Variants in ZNF626 observed in about 807,000 individuals in gnomAD.
ZNF626 encodes CTC-513N18.7.
A neutral mutation model predicts 11.7 loss-of-function variants in ZNF626; 4 were observed. The observed-to-expected ratio is 0.34, with a 90% CI of 0.17 to 0.78. The LOEUF is 0.78. ZNF626 is among the 30% of genes least tolerant of loss of function. The pLI is 0.57. For synonymous variants in ZNF626, 179 were observed against 198.6 expected, an observed-to-expected ratio of 0.90 and a Z score of 0.83; for missense variants, 588 against 587.1, an observed-to-expected ratio of 1.00 and a Z score of -0.01.
At chr19:20,652,728 A>T (rs1456706570) in intron 1 of ZNF626, among the ~76,000 whole-genome samples, 1 of 152,166 alleles carries the variant, frequency 6.6e-6, no homozygotes, top group Non-Finnish European at 1.5e-5. Flanking sequence ...TTTTCAGATA[A>T]AAGTTTTTTA....
At chr19:20,625,886 G>A (rs887277726) in intron 3 of ZNF626, among the ~76,000 whole-genome samples, 4 of 151,926 alleles carry the variant, frequency 2.6e-5, no homozygotes, top group Non-Finnish European at 2.9e-5. Flanking sequence ...CAATGCAAAC[G>A]GCCAAATAGA....
intron 3 of ZNF626, among the ~76,000 whole-genome samples, chr19:20,642,467 G>A (rs1223875858): frequency 2.0e-5 from 3 of 152,170 alleles, no homozygotes; most frequent in East Asian, 3.9e-4. Context: ...GGGTGGTGGC[G>A]TGCCTGTAGT....
intron 3 of ZNF626, among the ~76,000 whole-genome samples, chr19:20,636,729 T>C (rs1316483848): frequency 6.6e-6 from 1 of 152,134 alleles, no homozygotes; most frequent in Non-Finnish European, 1.5e-5. Context: ...CTACAAGATA[T>C]AATATACAGG....
In ZNF626 at chr19:20,624,019, G is replaced by A. The variant is rs1426052086; in HGVS notation, c.*271C>T. 9.4e-6 allele frequency: 6 copies of A among 640,410 alleles called. No individual in the cohort carries two copies. The highest frequency in any genetic ancestry group is 5.3e-5 in the Admixed American group (2 of 37,872). 39.7% of individuals were successfully genotyped at this position (640,410 alleles called of 1,614,324 possible). On this transcript the variant is annotated 3_prime_UTR_variant, in exon 4 of 4. Transcript: ENST00000601440. ...TTTTCCCCATTCATCACATTCACAT[G>A]GTTTCTCTCCAGTATGAATTATCTT...
chr19:20,656,238 T>C (rs62107366), intron 1 of ZNF626, among the ~76,000 whole-genome samples: 14,412 of 152,182 alleles, frequency 0.095, 975 homozygotes, highest in Non-Finnish European at 0.14. Flanking sequence ...TAGCACTATG[T>C]AGAAGACTGA....
intron 1 of ZNF626, among the ~76,000 whole-genome samples, chr19:20,658,026 T>C (rs1279064076): frequency 6.6e-6 from 1 of 151,364 alleles, no homozygotes; most frequent in Non-Finnish European, 1.5e-5. Context: ...GACAAAATAA[T>C]CTGCACTTCA....
In ZNF626 at chr19:20,625,235, AC is replaced by A. The variant is rs782696958; in HGVS notation, c.641del (p.Cys214LeufsTer64). The A allele has an allele frequency of 9.3e-6, 15 of 1,610,604 alleles. No homozygotes were observed. In the Admixed American group the frequency reaches 2.3e-4, roughly 25 times the overall value. ...GAATTTTCTTATGTCTAGTAAGGCT[AC>A]AAGAGTGGTTAAAGGCTTTGCCACA... ...EECGKAFNHS[C>X]SLTRHKKIHT... On this transcript the variant is annotated frameshift_variant, in exon 4 of 4. Coordinates refer to ENST00000601440, the MANE Select transcript of ZNF626 (RefSeq NM_001076675.3). LOFTEE classifies it low-confidence loss of function (END_TRUNC).
chr19:20,620,171 G>A lies in ZNF626; in HGVS notation c.*4119C>T, dbSNP rs1224363599. On this transcript the variant is annotated 3_prime_UTR_variant, in exon 4 of 4. Transcript: ENST00000601440. Reference sequence around the variant, plus strand: ...TGTTGTACTCAAGAGTGTTATTTCTGGAGACAAAGTTGCCTGTGCTTTAAT... The same window carrying A: ...TGTTGTACTCAAGAGTGTTATTTCTAGAGACAAAGTTGCCTGTGCTTTAAT... 1 of 152,032 alleles carries A rather than the reference G, an allele frequency of 6.6e-6. No individual in the cohort carries two copies. Among genetic ancestry groups the A allele is most frequent in the Non-Finnish European group, 1.5e-5 (1 of 68,004 alleles). 9.4% of individuals were successfully genotyped at this position (152,032 alleles called of 1,614,324 possible).
At chr19:20,657,241 T>TAA (rs1285655967) in intron 1 of ZNF626, among the ~76,000 whole-genome samples, 5 of 152,038 alleles carry the variant, frequency 3.3e-5, no homozygotes, top group Admixed American at 2.0e-4. Flanking sequence ...CCAGGCATGG[T>TAA]AATGCATACG....
chr19:20,623,989 A>C lies in ZNF626; in HGVS notation c.*301T>G. ...TTAGTTAGAAATTGAGGGCTGGTTA[A>C]AAGATTTTCCCCATTCATCACATTC... is the stretch of plus-strand genomic sequence containing the variant. On this transcript the variant is annotated 3_prime_UTR_variant, in exon 4 of 4. Transcript: ENST00000601440. 1.8e-6 allele frequency: 1 copy of C among 545,358 alleles called. No individual in the cohort carries two copies. The highest frequency in any genetic ancestry group is 2.0e-5 in the South Asian group (1 of 49,964). The allele number at this position is 545,358 out of a possible 1,614,324, so 33.8% of individuals were successfully genotyped here.
rs547265557 is a variant in ZNF626 at position 20,633,584 on chromosome 19, C to G, written c.227-7934G>C. 7.2e-5 allele frequency among the ~76,000 whole-genome samples: 11 copies of G among 152,344 alleles called. No homozygotes were observed. In the South Asian group the frequency reaches 2.3e-3, roughly 32 times the overall value. ...TGAGACTCCATTGGCGTAGGACCCT[C>G]TGAGCTGGGTGAGGGATATAATATC... On this transcript the variant is annotated intron_variant, in intron 3 of 3. Coordinates refer to ENST00000601440, the MANE Select transcript of ZNF626 (RefSeq NM_001076675.3).
chr19:20,626,968 T>C (rs897261949), intron 3 of ZNF626, among the ~76,000 whole-genome samples: 25 of 152,052 alleles, frequency 1.6e-4, no homozygotes, highest in African/African-American at 6.0e-4. Flanking sequence ...TGAGCTGAGA[T>C]GGCGCCACTG....
intron 1 of ZNF626, among the ~76,000 whole-genome samples, chr19:20,650,397 G>A (rs1555772472): frequency 6.6e-6 from 1 of 152,130 alleles, no homozygotes. Context: ...TGCAAGAATG[G>A]AAAACAAGTC....
chr19:20,637,210 T>G (rs1284394620), intron 3 of ZNF626, among the ~76,000 whole-genome samples: 5 of 152,140 alleles, frequency 3.3e-5, no homozygotes, highest in African/African-American at 1.2e-4. Context: ...ATAAATCGGC[T>G]GGGCGCAGTG....
chr19:20,659,423 A>T (rs1270086614), intron 1 of ZNF626, among the ~76,000 whole-genome samples: 2 of 152,094 alleles, frequency 1.3e-5, no homozygotes, highest in Non-Finnish European at 2.9e-5. Flanking sequence ...TATTTTTAGT[A>T]GACACAGGGT....
intron 1 of ZNF626, among the ~76,000 whole-genome samples, chr19:20,657,483 T>C (rs1328730033): frequency 2.6e-5 from 4 of 152,018 alleles, no homozygotes; most frequent in African/African-American, 7.3e-5. Context: ...GCAATAACAC[T>C]GATGAAGCTG....
At chr19:20,627,986 A>G (rs1303540555) in intron 3 of ZNF626, among the ~76,000 whole-genome samples, 1 of 151,980 alleles carries the variant, frequency 6.6e-6, no homozygotes, top group Non-Finnish European at 1.5e-5. Context: ...GTGTCCATGT[A>G]TTCTCATTGT....
chr19:20,625,872 A>G (rs1045472359), intron 3 of ZNF626, among the ~76,000 whole-genome samples: 1 of 152,174 alleles, frequency 6.6e-6, no homozygotes, highest in Non-Finnish European at 1.5e-5. Context: ...GCCCCAGGTG[A>G]GCACAATGCA....
chr19:20,643,545 C>A (rs968039078), intron 3 of ZNF626, among the ~76,000 whole-genome samples: 1 of 151,870 alleles, frequency 6.6e-6, no homozygotes, highest in African/African-American at 2.4e-5. Context: ...TCCTAAATAA[C>A]TGAATCTAAA....
Sources: gnomAD v4.1 joint callset for allele counts (sites outside exome capture counted in the v4.1 genomes callset) on GRCh38, gnomAD v4.1.1 for gene constraint, MANE v1.5 for transcripts, NCBI Gene and HGNC (gene_info 2026-07-23, HGNC 2026-07-21) for gene names.